Variants in GPR137C observed in about 807,000 individuals in gnomAD.
The protein encoded by GPR137C is G protein-coupled receptor 137C.
Under a neutral mutation model 43.4 loss-of-function variants are expected in GPR137C, and 27 were observed. That is an observed-to-expected ratio of 0.62 (90% CI 0.46 to 0.86). The LOEUF (loss-of-function observed/expected upper bound fraction) is 0.86. Ranked by LOEUF, GPR137C falls within the 40% of genes least tolerant of loss-of-function variation. The probability of loss-of-function intolerance (pLI) is 0.00; values close to 1 mark genes in which losing one functional copy is unlikely to be tolerated. For synonymous variants in GPR137C, 285 were observed against 226.9 expected, an observed-to-expected ratio of 1.26 and a Z score of -2.30; for missense variants, 522 against 534.6, an observed-to-expected ratio of 0.98 and a Z score of 0.23.
chr14:52,615,387 T>C (rs1016242641), intron 3 of GPR137C, among the ~76,000 whole-genome samples: 1 of 152,106 alleles, frequency 6.6e-6, no homozygotes, highest in African/African-American at 2.4e-5. Context: ...TCAAGTAATA[T>C]GATTGCTCGA....
At chr14:52,613,074 G>T (rs944061257) in intron 3 of GPR137C, 1 of 151,884 alleles carries the variant, frequency 6.6e-6, no homozygotes, top group East Asian at 1.9e-4. Flanking sequence ...GTGAAACCCT[G>T]TCTCTACTAA....
intron 3 of GPR137C, among the ~76,000 whole-genome samples, chr14:52,619,699 C>A (rs1240729804): frequency 1.3e-5 from 2 of 152,010 alleles, no homozygotes; most frequent in East Asian, 3.8e-4. Flanking sequence ...TTTTCCATGG[C>A]CAGATAGCCC....
intron 1 of GPR137C, among the ~76,000 whole-genome samples, chr14:52,555,260 G>A (rs551060026): frequency 6.6e-6 from 1 of 152,130 alleles, no homozygotes; most frequent in South Asian, 2.1e-4. Context: ...CTGTAAAATA[G>A]TTGGTAGGCA....
chr14:52,594,118 AT>A (rs1461008063), intron 1 of GPR137C, among the ~76,000 whole-genome samples: 2 of 152,190 alleles, frequency 1.3e-5, no homozygotes, highest in East Asian at 3.9e-4. Flanking sequence ...AGGTTGTTCA[AT>A]TTCCATGTAG....
Position 52,553,530 on chromosome 14 carries a change from A to G in GPR137C, c.383A>G (p.Tyr128Cys), listed in dbSNP as rs1308005749. 2 of 1,609,262 alleles carry G rather than the reference A, an allele frequency of 1.2e-6. No individual in the cohort carries two copies. Among genetic ancestry groups the G allele is most frequent in the Non-Finnish European group, 1.7e-6 (2 of 1,179,460 alleles). The part of the protein sequence containing the change: ...HLHFFPHWLL[Y>C]CFPSCLQFST... ...CACTTCTTCCCCCACTGGCTGCTCT[A>G]CTGCTTCCCCTCCTGTCTCCAGTTC... Residue 128 changes from tyrosine (Y) to cysteine (C), a missense_variant, in exon 1 of 7, where the codon TAC (tyrosine) becomes TGC (cysteine). Tyr to Cys is a radical substitution (Grantham distance 194). Transcript: ENST00000321662.
At chr14:52,556,158 TCA>T (rs2038189291) in intron 1 of GPR137C, among the ~76,000 whole-genome samples, 1 of 152,284 alleles carries the variant, frequency 6.6e-6, no homozygotes, top group South Asian at 2.1e-4. Flanking sequence ...GATTACCAAC[TCA>T]CTCTGTCTTT....
At chr14:52,579,778 T>C (rs1321712555) in intron 1 of GPR137C, among the ~76,000 whole-genome samples, 1 of 152,224 alleles carries the variant, frequency 6.6e-6, no homozygotes, top group Non-Finnish European at 1.5e-5. Context: ...TAACAACACA[T>C]GTGAGATGGT....
At chr14:52,554,599 A>G (rs2038164408) in intron 1 of GPR137C, among the ~76,000 whole-genome samples, 1 of 152,146 alleles carries the variant, frequency 6.6e-6, no homozygotes, top group South Asian at 2.1e-4. Context: ...GGGAGGAAGC[A>G]AGGTGACATC....
At chr14:52,586,748 C>T (rs1458754971) in intron 1 of GPR137C, among the ~76,000 whole-genome samples, 1 of 152,124 alleles carries the variant, frequency 6.6e-6, no homozygotes, top group African/African-American at 2.4e-5. Flanking sequence ...CAAAACTCAC[C>T]TATTATCTTT....
chr14:52,593,326 C>A (rs947522557), intron 1 of GPR137C, among the ~76,000 whole-genome samples: 1 of 152,108 alleles, frequency 6.6e-6, no homozygotes, highest in African/African-American at 2.4e-5. Context: ...GCCTTTGTGT[C>A]GGGATGATGC....
At chr14:52,579,254 C>T (rs1057008950) in intron 1 of GPR137C, among the ~76,000 whole-genome samples, 1 of 152,140 alleles carries the variant, frequency 6.6e-6, no homozygotes, top group African/African-American at 2.4e-5. Context: ...ATCAACTGTG[C>T]CTGGCATTTA....
At chr14:52,602,031 C>T (rs929795615) in intron 3 of GPR137C, among the ~76,000 whole-genome samples, 3 of 150,750 alleles carry the variant, frequency 2.0e-5, no homozygotes, top group Non-Finnish European at 3.0e-5. Context: ...TCTAGGAATA[C>T]TGCAGATATA....
intron 1 of GPR137C, chr14:52,596,959 G>A (rs1415348746): frequency 2.2e-6 from 1 of 454,420 alleles, no homozygotes; most frequent in South Asian, 1.6e-5. Context: ...ATCTTGGAAG[G>A]AACCCATCTT....
intron 1 of GPR137C, among the ~76,000 whole-genome samples, chr14:52,583,430 G>A (rs758413269): frequency 1.3e-5 from 2 of 152,148 alleles, no homozygotes; most frequent in Non-Finnish European, 2.9e-5. Context: ...AACATGTTCT[G>A]CAAATCTGGG....
intron 5 of GPR137C, 45 bp from the exon 6 acceptor site, chr14:52,633,783 T>TG (rs775866208): frequency 6.5e-7 from 1 of 1,533,706 alleles, no homozygotes; most frequent in Non-Finnish European, 9.0e-7. Flanking sequence ...CCTTTCTTAG[T>TG]GGAAAAGTAA....
chr14:52,585,400 C>G (rs534529846), intron 1 of GPR137C, among the ~76,000 whole-genome samples: 4 of 152,338 alleles, frequency 2.6e-5, no homozygotes, highest in Non-Finnish European at 5.9e-5. Context: ...CGCTCTGTCT[C>G]TCACTGTCTC....
chr14:52,598,385 A>G, intron 2 of GPR137C, 70 bp downstream of exon 2: 1 of 631,628 alleles, frequency 1.6e-6, no homozygotes, highest in Non-Finnish European at 2.7e-6. Context: ...ATTAAGGCTT[A>G]GTATCTAAAA....
chr14:52,624,581 G>T (rs200358641), intron 3 of GPR137C, among the ~76,000 whole-genome samples: 1 of 45,632 alleles, frequency 2.2e-5, no homozygotes, highest in African/African-American at 4.8e-5. Flanking sequence ...AAAATTAGCC[G>T]GGTGTGGTGG....
At chr14:52,604,875 T>C (rs1266187677) in intron 3 of GPR137C, among the ~76,000 whole-genome samples, 2 of 152,194 alleles carry the variant, frequency 1.3e-5, no homozygotes, top group African/African-American at 4.8e-5. Context: ...TATAAGTGTG[T>C]GGATTTATTT....
Sources: allele counts gnomAD v4.1 joint callset (sites outside exome capture counted in the v4.1 genomes callset), GRCh38; gene constraint gnomAD v4.1.1; transcripts MANE v1.5; gene names NCBI Gene and HGNC (gene_info 2026-07-23, HGNC 2026-07-21).